Variants in SP1 observed in about 807,000 individuals in gnomAD.
SP1 encodes the protein Sp1 transcription factor, also known as transcription factor Sp1.
In SP1, 6 loss-of-function variants were observed where a neutral mutation model predicts 66.3. That is an observed-to-expected ratio of 0.09 (90% CI 0.05 to 0.18). The LOEUF (loss-of-function observed/expected upper bound fraction) is 0.18, where lower values mean the gene tolerates loss of function less well. SP1 is among the 10% of genes least tolerant of loss of function. The probability of loss-of-function intolerance (pLI) is 1.00; values close to 1 mark genes in which losing one functional copy is unlikely to be tolerated. For missense variants in SP1, 848 were observed against 964.5 expected, an observed-to-expected ratio of 0.88 and a Z score of 1.60; for synonymous variants, 417 against 360.8, an observed-to-expected ratio of 1.16 and a Z score of -1.77.
intron 3 of SP1, among the ~76,000 whole-genome samples, chr12:53,403,754 G>T (rs1398527633): frequency 6.6e-6 from 1 of 152,094 alleles, no homozygotes; most frequent in Non-Finnish European, 1.5e-5. Flanking sequence ...TTTGAGAAAG[G>T]CTAGGCAGCA....
At chr12:53,406,941 C>T (rs1207226463) in intron 4 of SP1, among the ~76,000 whole-genome samples, 188 bp downstream of exon 4, 1 of 151,620 alleles carries the variant, frequency 6.6e-6, no homozygotes, top group African/African-American at 2.4e-5. Flanking sequence ...TCTCCTGCCT[C>T]AGCCTCCCGA....
chr12:53,408,022 G>A (rs1312104334), intron 4 of SP1, among the ~76,000 whole-genome samples: 2 of 143,978 alleles, frequency 1.4e-5, no homozygotes, highest in East Asian at 2.2e-4. Context: ...CAAGGCGGGC[G>A]GATCACCTGA....
At chr12:53,409,022 C>G (rs563401768) in intron 4 of SP1, among the ~76,000 whole-genome samples, 2 of 152,052 alleles carry the variant, frequency 1.3e-5, no homozygotes, top group South Asian at 4.1e-4. Flanking sequence ...CTCAGGGGTT[C>G]GAGACCAGCC....
At chr12:53,401,310 G>A (rs1371343353) in intron 3 of SP1, among the ~76,000 whole-genome samples, 1 of 151,622 alleles carries the variant, frequency 6.6e-6, no homozygotes, top group Non-Finnish European at 1.5e-5. Flanking sequence ...AATTAGCCGG[G>A]CATGGTGGTG....
At chr12:53,390,535 C>G (rs2136898362) in intron 3 of SP1, among the ~76,000 whole-genome samples, 1 of 152,088 alleles carries the variant, frequency 6.6e-6, no homozygotes, top group Admixed American at 6.6e-5. Flanking sequence ...TACAAAAAAT[C>G]AGCCGGGCAT....
At chr12:53,394,856 C>T (rs147778161) in intron 3 of SP1, among the ~76,000 whole-genome samples, 10,446 of 151,512 alleles carry the variant, frequency 0.069, 1,184 homozygotes, top group African/African-American at 0.24. Flanking sequence ...CCTCGTGATC[C>T]ACCCGCCTCG....
At position 53,413,358 on chromosome 12, in the gene SP1, C is replaced by A. The variant is rs1241105419; in HGVS notation, c.*2118C>A. The A allele has an allele frequency of 6.6e-6, 1 of 152,232 alleles. No homozygotes were observed. The highest frequency in any genetic ancestry group is 6.6e-5 in the Admixed American group (1 of 15,252). 9.4% of individuals were successfully genotyped at this position (152,232 alleles called of 1,614,324 possible). On this transcript the variant is annotated 3_prime_UTR_variant, in exon 6 of 6. Coordinates refer to ENST00000327443, the MANE Select transcript of SP1 (RefSeq NM_138473.3). ...CAGAGTCCTTATTCTTCTCATAAAT[C>A]TTTTTACTTTGGCTACAAATAGATG...
Position 53,381,724 on chromosome 12 carries a change from A to C in SP1, c.73A>C (p.Asn25His), listed in dbSNP as rs752157927. The C allele has an allele frequency of 6.2e-7, 1 of 1,614,044 alleles. No homozygotes were observed. The change falls in exon 2 of 6, where the codon AAT (asparagine) becomes CAT (histidine). Residue 25 changes from asparagine (N) to histidine (H), a missense_variant. Asn to His is a moderately conservative substitution (Grantham distance 68). Around this residue, in one of 7 missense-constraint regions of SP1, gnomAD observed 84 missense variants for 73.9 expected, o/e 1.14. Coordinates refer to ENST00000327443, the MANE Select transcript of SP1 (RefSeq NM_138473.3). ...AATTGAAAAAGGAGTTGGTGGCAAT[A>C]ATGGGGGCAATGGTAATGGTGGTGG... ...VKIEKGVGGN[N>H]GGNGNGGGAF...
chr12:53,389,072 T>C (rs920353476), intron 3 of SP1, among the ~76,000 whole-genome samples: 1 of 152,076 alleles, frequency 6.6e-6, no homozygotes, highest in African/African-American at 2.4e-5. Flanking sequence ...CTTGGTACGA[T>C]GTAGAAAGAA....
rs1394330950 is a variant in SP1, at chr12:53,411,872, A to G, written c.*632A>G. ...CGTTCATATGCTCTGCTTTTAGTTC[A>G]TATATACATACATAATGTTTTTCCT... On this transcript the variant is annotated 3_prime_UTR_variant, in exon 6 of 6. Coordinates refer to ENST00000327443, the MANE Select transcript of SP1 (RefSeq NM_138473.3). 2 of 152,304 alleles carry G rather than the reference A, an allele frequency of 1.3e-5. No individual in the cohort carries two copies. Among genetic ancestry groups the G allele is most frequent in the African/African-American group, 2.4e-5 (1 of 41,338 alleles). The allele number at this position is 152,304 out of a possible 1,614,324, so 9.4% of individuals were successfully genotyped here.
chr12:53,382,527 G>C lies in SP1; in HGVS notation c.580G>C (p.Ala194Pro). The C allele has an allele frequency of 1.2e-6, 2 of 1,614,130 alleles. No homozygotes were observed. Residue 194 changes from alanine (A) to proline (P), a missense_variant, in exon 3 of 6, where the codon GCC (alanine) becomes CCC (proline). This residue lies in a region of SP1 where 606 missense variants were observed against 589.9 expected (regional missense o/e 1.03). Coordinates refer to ENST00000327443, the MANE Select transcript of SP1 (RefSeq NM_138473.3). Reference protein sequence around the residue: ...GQQLQFAATGAQVQQDGSGQI... With the variant: ...GQQLQFAATGPQVQQDGSGQI... Reference sequence around the variant, plus strand: ...ACAGCTGCAGTTTGCTGCCACTGGGGCCCAAGTGCAGCAGGATGGTTCTGG... The same window carrying C: ...ACAGCTGCAGTTTGCTGCCACTGGGCCCCAAGTGCAGCAGGATGGTTCTGG...
chr12:53,408,996 A>C (rs1160276249), intron 4 of SP1, among the ~76,000 whole-genome samples: 3 of 152,088 alleles, frequency 2.0e-5, no homozygotes, highest in African/African-American at 7.2e-5. Context: ...GGAGGTGGGC[A>C]GATCCATCAC....
chr12:53,394,645 C>T (rs1488432355), intron 3 of SP1, among the ~76,000 whole-genome samples: 5 of 118,280 alleles, frequency 4.2e-5, no homozygotes, highest in East Asian at 2.8e-4. Context: ...GACGCAGTCT[C>T]GCTCTGTTGT....
chr12:53,407,692 A>C (rs925401013), intron 4 of SP1, among the ~76,000 whole-genome samples: 1 of 151,406 alleles, frequency 6.6e-6, no homozygotes, highest in Non-Finnish European at 1.5e-5. Context: ...GCTGGAGTGC[A>C]GTGGCACAAT....
At position 53,411,526 on chromosome 12, in the gene SP1, T is replaced by G; in HGVS notation, c.*286T>G. The G allele has an allele frequency of 3.4e-6, 1 of 292,830 alleles. No individual in the cohort carries two copies. The highest frequency in any genetic ancestry group is 6.3e-6 in the Non-Finnish European group (1 of 158,110). 18.1% of individuals were successfully genotyped at this position (292,830 alleles called of 1,614,324 possible). A position where few individuals can be genotyped will look rare whatever the true frequency, so the allele number is the denominator to read the frequency against. ...TCTTCTTACACTTCTTACCCCAGCC[T>G]ACCCTTCCTGCATTTCTCTTCTCAG... On this transcript the variant is annotated 3_prime_UTR_variant, in exon 6 of 6. Coordinates refer to ENST00000327443, the MANE Select transcript of SP1 (RefSeq NM_138473.3).
intron 3 of SP1, among the ~76,000 whole-genome samples, chr12:53,393,993 T>TC (rs112122598): frequency 0.026 from 3,978 of 151,554 alleles, 168 homozygotes; most frequent in African/African-American, 0.091. Context: ...GGTGGGTGGA[T>TC]CACCTGAGAT....
At chr12:53,398,376 G>A (rs111645066) in intron 3 of SP1, among the ~76,000 whole-genome samples, 9,980 of 152,108 alleles carry the variant, frequency 0.066, 475 homozygotes, top group Non-Finnish European at 0.096. Context: ...TCTGCCTCCC[G>A]GGTTCAAGCA....
At chr12:53,393,122 T>A (rs1442060209) in intron 3 of SP1, among the ~76,000 whole-genome samples, 1 of 151,996 alleles carries the variant, frequency 6.6e-6, no homozygotes, top group Non-Finnish European at 1.5e-5. Context: ...ACGCCTGGCC[T>A]AGAAGGAGTT....
At chr12:53,394,607 C>CT (rs71443299) in intron 3 of SP1, among the ~76,000 whole-genome samples, 4,618 of 58,162 alleles carry the variant, frequency 0.079, 1,288 homozygotes, top group African/African-American at 0.28. Context: ...GAGATAAGGT[C>CT]TTTTTTTTTT....
Sources: allele counts gnomAD v4.1 joint callset (sites outside exome capture counted in the v4.1 genomes callset), GRCh38; gene constraint gnomAD v4.1.1; regional missense constraint gnomAD v4.1.1; transcripts MANE v1.5; gene names NCBI Gene and HGNC (gene_info 2026-07-23, HGNC 2026-07-21).